The following TBC1D22A variants were observed in gnomAD, a reference collection of about 807,000 sequenced individuals.
TBC1D22A encodes putative GTPase activator.
A neutral mutation model predicts 60.2 loss-of-function variants in TBC1D22A; 38 were observed. The observed-to-expected ratio is 0.63, with a 90% CI of 0.49 to 0.83. TBC1D22A has a LOEUF of 0.83. Among genes scored for constraint, TBC1D22A ranks in the 40% least tolerant of loss-of-function variants. The pLI is 0.00. For synonymous variants in TBC1D22A, 302 were observed against 281.7 expected (o/e 1.07, Z -0.72); for missense variants, 628 against 701.0 (o/e 0.90, Z 1.18).
At chr22:47,044,659 T>C (rs914076919) in intron 11 of TBC1D22A, among the ~76,000 whole-genome samples, 8 of 152,176 alleles carry the variant, frequency 5.3e-5, no homozygotes, top group African/African-American at 1.9e-4. Context: ...GAAGTAGGCA[T>C]AGATCACTGT....
chr22:46,868,509 C>T (rs1004455550), intron 4 of TBC1D22A, among the ~76,000 whole-genome samples: 2 of 151,960 alleles, frequency 1.3e-5, no homozygotes, highest in Non-Finnish European at 2.9e-5. Flanking sequence ...GGATCCCAAG[C>T]TTTTTGGATA....
intron 12 of TBC1D22A, among the ~76,000 whole-genome samples, chr22:47,145,052 G>A (rs555469788): frequency 3.5e-4 from 53 of 152,348 alleles, no homozygotes; most frequent in African/African-American, 1.2e-3. Flanking sequence ...CGCACCACGT[G>A]CCGGCTGCAG....
rs560867174 is a variant in TBC1D22A at position 47,064,196 on chromosome 22, C to T, written c.1329+26998C>T. On this transcript the variant is annotated intron_variant, in intron 11 of 12. Transcript: ENST00000337137. Reference sequence around the variant, plus strand: ...GTTGCCGTTGCCGGGGAGCCGCTGCCGGCACCCGTGCTCTCTCTGTGGTGA... The same window carrying T: ...GTTGCCGTTGCCGGGGAGCCGCTGCTGGCACCCGTGCTCTCTCTGTGGTGA... 2.9e-4 allele frequency among the ~76,000 whole-genome samples: 44 copies of T among 152,366 alleles called. 1 individual carries two copies. The South Asian group carries it at 7.5e-3, about 26-fold the overall frequency.
chr22:46,910,112 A>G (rs1050327576), intron 7 of TBC1D22A, among the ~76,000 whole-genome samples: 2 of 152,368 alleles, frequency 1.3e-5, no homozygotes, highest in Admixed American at 6.5e-5. Context: ...TGTCAACTGA[A>G]AATGGAAAGC....
intron 12 of TBC1D22A, among the ~76,000 whole-genome samples, chr22:47,162,952 C>T (rs978414989): frequency 1.3e-5 from 2 of 152,204 alleles, no homozygotes; most frequent in Admixed American, 6.5e-5. Flanking sequence ...TTACAGACCA[C>T]ACCATGCCCA....
At chr22:47,161,369 G>A (rs2067980023) in intron 12 of TBC1D22A, among the ~76,000 whole-genome samples, 1 of 152,130 alleles carries the variant, frequency 6.6e-6, no homozygotes, top group African/African-American at 2.4e-5. Flanking sequence ...CCGCCTGGCT[G>A]CCACCTCTGC....
At chr22:47,173,259 G>C (rs1705452792) in intron 12 of TBC1D22A, among the ~76,000 whole-genome samples, 1 of 152,178 alleles carries the variant, frequency 6.6e-6, no homozygotes, top group Admixed American at 6.5e-5. Context: ...CCCTTCTGGG[G>C]TTGAGCAGGG....
At chr22:46,862,260 AC>A (rs1188302413) in intron 4 of TBC1D22A, among the ~76,000 whole-genome samples, 3 of 151,612 alleles carry the variant, frequency 2.0e-5, no homozygotes, top group Admixed American at 1.3e-4. Flanking sequence ...CGCTCTTAGC[AC>A]CCCCCAGGTG....
At chr22:47,048,588 A>G (rs2148434606) in intron 11 of TBC1D22A, among the ~76,000 whole-genome samples, 1 of 152,286 alleles carries the variant, frequency 6.6e-6, no homozygotes, top group East Asian at 1.9e-4. Context: ...AGACAGAGCC[A>G]TGGGAAGCAC....
intron 11 of TBC1D22A, among the ~76,000 whole-genome samples, chr22:47,099,298 G>A (rs1341576596): frequency 2.1e-4 from 32 of 152,146 alleles, no homozygotes; most frequent in Admixed American, 2.1e-3. Context: ...AGCTTGGAGG[G>A]TTTTCAGGAA....
chr22:46,906,617 A>G (rs1037204004), intron 7 of TBC1D22A, among the ~76,000 whole-genome samples: 4 of 152,194 alleles, frequency 2.6e-5, no homozygotes, highest in Non-Finnish European at 5.9e-5. Flanking sequence ...AGGCTTGGAA[A>G]TAGGAAGGCT....
chr22:47,164,066 G>A (rs949735092), intron 12 of TBC1D22A, among the ~76,000 whole-genome samples: 7 of 152,224 alleles, frequency 4.6e-5, no homozygotes, highest in Non-Finnish European at 8.8e-5. Flanking sequence ...TGTCTCTGAC[G>A]CTGCTGTGCG....
intron 4 of TBC1D22A, among the ~76,000 whole-genome samples, chr22:46,826,012 A>G (rs2147123733): frequency 6.6e-6 from 1 of 151,890 alleles, no homozygotes; most frequent in South Asian, 2.1e-4. Flanking sequence ...CCTCCCGAGT[A>G]GCTGGGACTG....
chr22:47,127,229 C>CTT (rs66495419), intron 12 of TBC1D22A, among the ~76,000 whole-genome samples: 11 of 105,508 alleles, frequency 1.0e-4, no homozygotes, highest in African/African-American at 2.3e-4. Context: ...TTCTTTTTCT[C>CTT]TTTTTTTTTT....
At chr22:47,005,944 A>G (rs1473605269) in intron 10 of TBC1D22A, among the ~76,000 whole-genome samples, 3 of 151,564 alleles carry the variant, frequency 2.0e-5, no homozygotes, top group African/African-American at 7.3e-5. Context: ...ACCCTTATAT[A>G]TACACACCCC....
chr22:47,030,948 C>T (rs1269224613), intron 10 of TBC1D22A, among the ~76,000 whole-genome samples: 3 of 152,210 alleles, frequency 2.0e-5, no homozygotes, highest in African/African-American at 7.2e-5. Flanking sequence ...CCGCACCCTT[C>T]ATGACGTGCT....
At chr22:46,904,562 G>A (rs1020434593) in intron 7 of TBC1D22A, among the ~76,000 whole-genome samples, 8 of 151,562 alleles carry the variant, frequency 5.3e-5, no homozygotes, top group East Asian at 3.9e-4. Context: ...TCTGCCTCCC[G>A]GGTTCAAGCC....
intron 12 of TBC1D22A, among the ~76,000 whole-genome samples, chr22:47,170,211 C>G (rs1371636418): frequency 6.6e-6 from 1 of 152,176 alleles, no homozygotes; most frequent in Non-Finnish European, 1.5e-5. Context: ...CTGGGCATTT[C>G]TATTCTCCCT....
intron 4 of TBC1D22A, among the ~76,000 whole-genome samples, chr22:46,837,466 G>A (rs2086573450): frequency 6.6e-6 from 1 of 152,082 alleles, no homozygotes. Flanking sequence ...GTCATAAGGA[G>A]CATTCTCCAG....
Sources: allele counts gnomAD v4.1 joint callset (sites outside exome capture counted in the v4.1 genomes callset), GRCh38; gene constraint gnomAD v4.1.1; transcripts MANE v1.5; gene names NCBI Gene and HGNC (gene_info 2026-07-23, HGNC 2026-07-21).